The following PDE10A variants were observed in gnomAD, a reference collection of about 807,000 sequenced individuals.
The protein encoded by PDE10A is cAMP and cAMP-inhibited cGMP 3',5'-cyclic phosphodiesterase 10A.
PDE10A carries 39 observed loss-of-function variants against 97.7 expected under a neutral mutation model. The observed-to-expected ratio is 0.40, with a 90% CI of 0.31 to 0.52. The LOEUF (loss-of-function observed/expected upper bound fraction) is 0.52. Ranked by LOEUF, PDE10A falls within the 20% of genes least tolerant of loss-of-function variation. The probability of loss-of-function intolerance (pLI) is 0.56; values close to 1 mark genes in which losing one functional copy is unlikely to be tolerated. For missense variants in PDE10A, 731 were observed against 1,047.8 expected, an observed-to-expected ratio of 0.70 and a Z score of 4.17; for synonymous variants, 371 against 376.8, an observed-to-expected ratio of 0.98 and a Z score of 0.18.
chr6:165,787,578 G>T (rs149514248), intron 1 of PDE10A, among the ~76,000 whole-genome samples: 171 of 152,310 alleles, frequency 1.1e-3, no homozygotes, highest in African/African-American at 3.9e-3. Flanking sequence ...AGTATTAGGA[G>T]ACATACAGAA....
chr6:165,776,878 T>C (rs1459963330), intron 1 of PDE10A, among the ~76,000 whole-genome samples: 1 of 152,196 alleles, frequency 6.6e-6, no homozygotes, highest in Non-Finnish European at 1.5e-5. Context: ...TGAGACCACA[T>C]CAGCCTCAGG....
At chr6:165,933,798 A>G (rs186805664) in intron 1 of PDE10A, among the ~76,000 whole-genome samples, 85 of 152,266 alleles carry the variant, frequency 5.6e-4, no homozygotes, top group Non-Finnish European at 7.9e-4. Context: ...GGAATAAGGA[A>G]ACATACAGGG....
chr6:165,751,241 A>G (rs1001927334), intron 1 of PDE10A, among the ~76,000 whole-genome samples: 1 of 152,126 alleles, frequency 6.6e-6, no homozygotes, highest in African/African-American at 2.4e-5. Flanking sequence ...TGGCCCTTGG[A>G]TTCTATGAGG....
chr6:165,388,281 G>T lies in PDE10A; in HGVS notation c.2610+17C>A. On this transcript the variant is annotated intron_variant, in intron 17 of 21. Coordinates refer to ENST00000539869, the MANE Select transcript of PDE10A (RefSeq NM_001385079.1). This position sits in a 1 kb window ranked among gnomAD's most constrained non-coding sequence, Gnocchi z 4.0. ...CAGCCCTTCAGACTAAGCGAGAGAC[G>T]GCGTGCAGTGACTCACCTGGAGGAT... 6.2e-7 allele frequency: 1 copy of T among 1,612,808 alleles called. No homozygotes were observed. Among genetic ancestry groups the T allele is most frequent in the South Asian group, 1.1e-5 (1 of 91,028 alleles).
intron 1 of PDE10A, among the ~76,000 whole-genome samples, chr6:165,854,587 C>A (rs1182408544): frequency 6.6e-6 from 1 of 152,172 alleles, no homozygotes; most frequent in Non-Finnish European, 1.5e-5. Flanking sequence ...GCCCGGGGGT[C>A]CCCAGCTCTG....
At chr6:165,542,979 A>G (rs897070741) in intron 2 of PDE10A, among the ~76,000 whole-genome samples, 18 of 152,158 alleles carry the variant, frequency 1.2e-4, no homozygotes, top group African/African-American at 4.1e-4. Context: ...CTGAGTGTGA[A>G]TGAAAGTCAA....
intron 1 of PDE10A, among the ~76,000 whole-genome samples, chr6:165,806,636 G>A (rs1779148138): frequency 6.9e-6 from 1 of 143,910 alleles, no homozygotes; most frequent in Non-Finnish European, 1.5e-5. Context: ...CATGCTGCAT[G>A]GCTCTGCTGA....
chr6:165,695,017 T>C (rs973782574), intron 1 of PDE10A, among the ~76,000 whole-genome samples: 1 of 152,154 alleles, frequency 6.6e-6, no homozygotes, highest in African/African-American at 2.4e-5. Context: ...ATTACATTTA[T>C]TTTATAGCCA....
intron 1 of PDE10A, among the ~76,000 whole-genome samples, chr6:165,640,247 T>A (rs537483308): frequency 2.4e-4 from 36 of 152,302 alleles, no homozygotes; most frequent in African/African-American, 8.4e-4. Flanking sequence ...ACCAGTGTTT[T>A]AAAAATTTTT....
intron 20 of PDE10A, among the ~76,000 whole-genome samples, chr6:165,336,809 A>G (rs937675344): frequency 4.0e-5 from 6 of 151,850 alleles, no homozygotes; most frequent in African/African-American, 9.7e-5. Context: ...ACCCAAGTAC[A>G]TTAAATGACA....
chr6:165,756,972 A>ATTTT (rs34234898), intron 1 of PDE10A, among the ~76,000 whole-genome samples: 26 of 146,378 alleles, frequency 1.8e-4, no homozygotes, highest in South Asian at 8.7e-4. Context: ...TTAGGATGCT[A>ATTTT]TTTTTTTTTT....
At chr6:165,603,643 G>T (rs537776141) in intron 1 of PDE10A, among the ~76,000 whole-genome samples, 2 of 152,252 alleles carry the variant, frequency 1.3e-5, no homozygotes, top group Non-Finnish European at 2.9e-5. Flanking sequence ...CAGCGTCCCA[G>T]TGAGGACTCT....
At chr6:165,645,907 A>C (rs1360061426) in intron 1 of PDE10A, among the ~76,000 whole-genome samples, 3 of 151,972 alleles carry the variant, frequency 2.0e-5, no homozygotes, top group Non-Finnish European at 4.4e-5. Context: ...ATCCACCAAA[A>C]CAACTGCTAA....
intron 1 of PDE10A, among the ~76,000 whole-genome samples, chr6:165,746,277 G>A (rs953050677): frequency 1.3e-5 from 2 of 152,194 alleles, no homozygotes; most frequent in African/African-American, 4.8e-5. Flanking sequence ...CTGACCCACT[G>A]GATGTGGGTC....
At chr6:165,712,397 T>G (rs1791916851) in intron 1 of PDE10A, among the ~76,000 whole-genome samples, 1 of 152,156 alleles carries the variant, frequency 6.6e-6, no homozygotes, top group Non-Finnish European at 1.5e-5. Context: ...CGTCTGAGAC[T>G]TCCTTCAACT....
intron 2 of PDE10A, among the ~76,000 whole-genome samples, chr6:165,482,566 G>C (rs961820134): frequency 6.6e-6 from 1 of 152,106 alleles, no homozygotes; most frequent in Non-Finnish European, 1.5e-5. Flanking sequence ...TACCACCACC[G>C]CCTTACCTTT....
chr6:165,906,928 C>T (rs575088964), intron 1 of PDE10A, among the ~76,000 whole-genome samples: 2 of 152,280 alleles, frequency 1.3e-5, no homozygotes, highest in African/African-American at 2.4e-5. Flanking sequence ...AGACGGCCTT[C>T]GCTCCTGGGT....
intron 1 of PDE10A, among the ~76,000 whole-genome samples, chr6:165,796,318 C>T (rs143415725): frequency 0.013 from 2,041 of 152,182 alleles, 37 homozygotes; most frequent in African/African-American, 0.047. Flanking sequence ...TATCTCCTGA[C>T]CTCATGATCC....
At chr6:165,595,933 T>C (rs1036912917) in intron 1 of PDE10A, among the ~76,000 whole-genome samples, 5 of 152,178 alleles carry the variant, frequency 3.3e-5, no homozygotes, top group African/African-American at 1.2e-4. Context: ...ATGTTCAACA[T>C]ATGAATTTTG....
Sources: allele counts gnomAD v4.1 joint callset (sites outside exome capture counted in the v4.1 genomes callset), GRCh38; gene constraint gnomAD v4.1.1; non-coding constraint Gnocchi (gnomAD v3.1); transcripts MANE v1.5; gene names NCBI Gene and HGNC (gene_info 2026-07-23, HGNC 2026-07-21).